The following SETBP1 variants were observed in gnomAD, a reference collection of about 807,000 sequenced individuals.
SETBP1 encodes the protein SET binding protein 1, also known as SET-binding protein.
Under a neutral mutation model 101.0 loss-of-function variants are expected in SETBP1, and 9 were observed. The ratio of observed to expected loss-of-function variants is 0.09; its 90% CI spans 0.05 to 0.16. The LOEUF is 0.16. Among genes scored for constraint, SETBP1 ranks in the 10% least tolerant of loss-of-function variants. The pLI is 1.00. For missense variants in SETBP1, 1,858 were observed against 2,033.8 expected (o/e 0.91, Z 1.66); for synonymous variants, 818 against 788.5 (o/e 1.04, Z -0.63).
At chr18:44,733,748 C>A (rs1229220568) in intron 2 of SETBP1, among the ~76,000 whole-genome samples, 1 of 152,116 alleles carries the variant, frequency 6.6e-6, no homozygotes, top group Non-Finnish European at 1.5e-5. Flanking sequence ...GCACGGTGTC[C>A]CTGAGAAATT....
chr18:45,025,726 A>G (rs1374796047), intron 4 of SETBP1, among the ~76,000 whole-genome samples: 1 of 152,204 alleles, frequency 6.6e-6, no homozygotes, highest in Admixed American at 6.5e-5. Context: ...AGGGGAATGT[A>G]TGCTGAATTG....
intron 3 of SETBP1, among the ~76,000 whole-genome samples, chr18:44,882,988 T>C (rs1372859306): frequency 6.6e-6 from 1 of 152,106 alleles, no homozygotes; most frequent in East Asian, 1.9e-4. Context: ...GGAAAGACTC[T>C]CAGAAATCAT....
intron 2 of SETBP1, among the ~76,000 whole-genome samples, chr18:44,830,141 T>G (rs1358741842): frequency 6.6e-6 from 1 of 152,188 alleles, no homozygotes; most frequent in African/African-American, 2.4e-5. Flanking sequence ...TAGAACTTAT[T>G]GGAATCTTTA....
chr18:44,974,938 T>C (rs926954826), intron 4 of SETBP1, among the ~76,000 whole-genome samples: 1 of 152,206 alleles, frequency 6.6e-6, no homozygotes, highest in South Asian at 2.1e-4. Context: ...TTTTAAACAC[T>C]AGGTTATTGT....
rs751918559 is a variant in SETBP1, at chr18:44,950,478, G to A, written c.1138G>A (p.Ala380Thr). ...EGYSADSAQEASPARQNVSSA... is the reference protein window; with the variant it reads ...EGYSADSAQETSPARQNVSSA... ...TTATTCCGCAGATAGTGCCCAAGAG[G>A]CATCACCAGCCAGGCAGAACGTGAG... The change falls in exon 4 of 6, where the codon GCA becomes ACA. Residue 380 changes from alanine to threonine, a missense_variant. Transcript: ENST00000649279. The A allele has an allele frequency of 1.4e-5, 22 of 1,613,982 alleles. No homozygotes were observed. Among genetic ancestry groups the A allele is most frequent in the Middle Eastern group, 1.6e-4 (1 of 6,084 alleles).
chr18:45,045,703 T>G (rs1485150804), intron 5 of SETBP1, among the ~76,000 whole-genome samples: 1 of 152,098 alleles, frequency 6.6e-6, no homozygotes, highest in Non-Finnish European at 1.5e-5. Flanking sequence ...ATCTCAAGAC[T>G]TCAGTGTTCA....
chr18:44,822,030 C>T (rs1273320330), intron 2 of SETBP1, among the ~76,000 whole-genome samples: 1 of 152,244 alleles, frequency 6.6e-6, no homozygotes, highest in East Asian at 1.9e-4. Flanking sequence ...TAAATTCTCA[C>T]TTGTCTCTCC....
At chr18:44,901,502 G>C (rs2070044521) in intron 3 of SETBP1, among the ~76,000 whole-genome samples, 1 of 152,302 alleles carries the variant, frequency 6.6e-6, no homozygotes, top group Admixed American at 6.5e-5. Flanking sequence ...ACTTCAGCCT[G>C]TGGCCATGTG....
At chr18:45,041,861 G>C (rs2073514462) in intron 5 of SETBP1, among the ~76,000 whole-genome samples, 1 of 151,908 alleles carries the variant, frequency 6.6e-6, no homozygotes, top group Non-Finnish European at 1.5e-5. Flanking sequence ...GGAGTCTTAG[G>C]CAGGAGAATT....
chr18:44,952,217 G>A lies in SETBP1; in HGVS notation c.2877G>A (p.Glu959=). The A allele has an allele frequency of 6.2e-7, 1 of 1,614,162 alleles. No individual in the cohort carries two copies. The highest frequency in any genetic ancestry group is 1.1e-5 in the South Asian group (1 of 91,076). The change falls in exon 4 of 6, where the codon GAG becomes GAA. Residue 959 remains glutamate, a synonymous_variant. Coordinates refer to ENST00000649279, the MANE Select transcript of SETBP1 (RefSeq NM_015559.3). ...TCCAGTTTCTGGCAGACCTGGAGGAGCTAATCACCAAGTTCCAAGTGTTCA... is the reference window on the plus strand; with the variant it reads ...TCCAGTTTCTGGCAGACCTGGAGGAACTAATCACCAAGTTCCAAGTGTTCA... ...DDLQFLADLE[E]LITKFQVFRI...
intron 4 of SETBP1, among the ~76,000 whole-genome samples, chr18:45,026,905 T>C (rs184944713): frequency 9.8e-5 from 15 of 152,328 alleles, no homozygotes; most frequent in Admixed American, 5.9e-4. Context: ...AACTTTAAGC[T>C]GGGTTCTGTG....
chr18:44,832,124 A>T (rs558212307), intron 2 of SETBP1, among the ~76,000 whole-genome samples: 1 of 152,208 alleles, frequency 6.6e-6, no homozygotes, highest in African/African-American at 2.4e-5. Flanking sequence ...GTGGACAGGA[A>T]TGAGCCCTTT....
chr18:44,949,718 C>G (rs547698260), intron 3 of SETBP1, among the ~76,000 whole-genome samples, 163 bp from the exon 4 acceptor site: 2 of 152,194 alleles, frequency 1.3e-5, no homozygotes, highest in African/African-American at 4.8e-5. Context: ...TTGAGAAAAC[C>G]TCTGTAAGAC....
chr18:44,835,800 C>G (rs945207398), intron 2 of SETBP1, among the ~76,000 whole-genome samples: 10 of 152,172 alleles, frequency 6.6e-5, no homozygotes, highest in African/African-American at 2.4e-4. Context: ...GTTCTCTGTA[C>G]CTAGGAATGA....
In SETBP1 at chr18:44,701,435, C is replaced by T. The variant is rs2069113921; in HGVS notation, c.89C>T (p.Ala30Val). 1.2e-6 allele frequency: 2 copies of T among 1,607,472 alleles called. No homozygotes were observed. The highest frequency in any genetic ancestry group is 4.5e-5 in the East Asian group (2 of 44,546). ...GTCTCCTCAGCCAAGCCCCCAGCTGCTCCTGGCTGTGCAGGAGAACCTTTG... is the reference window on the plus strand; with the variant it reads ...GTCTCCTCAGCCAAGCCCCCAGCTGTTCCTGGCTGTGCAGGAGAACCTTTG... ...LPVSSAKPPA[A>V]PGCAGEPLLS... The change falls in exon 2 of 6, where the codon GCT (alanine) becomes GTT (valine). Residue 30 changes from alanine (A) to valine (V), a missense_variant. Around this residue, in one of 12 missense-constraint regions of SETBP1, gnomAD observed 97 missense variants for 101.2 expected, o/e 0.96. Transcript: ENST00000649279.
chr18:45,060,782 T>G (rs997334733), intron 5 of SETBP1, among the ~76,000 whole-genome samples: 21 of 152,232 alleles, frequency 1.4e-4, no homozygotes, highest in African/African-American at 5.1e-4. Flanking sequence ...TTTTTGGGGT[T>G]TGTTTACTTA....
intron 3 of SETBP1, among the ~76,000 whole-genome samples, chr18:44,929,284 A>G (rs1308458126): frequency 6.6e-6 from 1 of 152,056 alleles, no homozygotes; most frequent in Non-Finnish European, 1.5e-5. Flanking sequence ...ACTCTGTTCC[A>G]TTGGTCTATA....
chr18:44,761,834 G>C (rs959900842), intron 2 of SETBP1, among the ~76,000 whole-genome samples: 7 of 152,222 alleles, frequency 4.6e-5, no homozygotes, highest in Admixed American at 1.3e-4. Flanking sequence ...CTGCTAAGGG[G>C]AGAAAATCAA....
chr18:45,005,186 C>T (rs1293679466), intron 4 of SETBP1, among the ~76,000 whole-genome samples: 1 of 152,052 alleles, frequency 6.6e-6, no homozygotes, highest in Non-Finnish European at 1.5e-5. Flanking sequence ...CATTGTGTTC[C>T]CTGGGCATTT....
Sources: gnomAD v4.1 joint callset for allele counts (sites outside exome capture counted in the v4.1 genomes callset) on GRCh38, gnomAD v4.1.1 for gene constraint, gnomAD v4.1.1 regional missense constraint, MANE v1.5 for transcripts, NCBI Gene and HGNC (gene_info 2026-07-23, HGNC 2026-07-21) for gene names.